The following FAM221A variants were observed in gnomAD, a reference collection of about 807,000 sequenced individuals.
FAM221A encodes the protein family with sequence similarity 221 member A.
Under a neutral mutation model 37.6 loss-of-function variants are expected in FAM221A, and 43 were observed. The ratio of observed to expected loss-of-function variants is 1.15; its 90% CI spans 0.90 to 1.48. The LOEUF (loss-of-function observed/expected upper bound fraction) is 1.48. Ranked by LOEUF, FAM221A falls within the 40% of genes most tolerant of loss-of-function variation. The pLI is 0.00. For synonymous variants in FAM221A, 135 were observed against 132.9 expected, an observed-to-expected ratio of 1.02 and a Z score of -0.11; for missense variants, 361 against 361.5, an observed-to-expected ratio of 1.00 and a Z score of 0.01.
At chr7:23,690,344 A>G (rs1784669975) in intron 3 of FAM221A, among the ~76,000 whole-genome samples, 1 of 151,304 alleles carries the variant, frequency 6.6e-6, no homozygotes, top group Non-Finnish European at 1.5e-5. Context: ...AGCTGAGATT[A>G]TAGGTGCCCG....
chr7:23,682,439 A>ATTTT (rs59949135), intron 1 of FAM221A, among the ~76,000 whole-genome samples: 10 of 79,418 alleles, frequency 1.3e-4, no homozygotes, highest in South Asian at 4.9e-4. Flanking sequence ...TATTATTATT[A>ATTTT]TTTTTTTTTT....
At chr7:23,698,057 G>A (rs1785172647) in intron 4 of FAM221A, 135 bp from the exon 5 acceptor site, 1 of 594,706 alleles carries the variant, frequency 1.7e-6, no homozygotes, top group Admixed American at 3.5e-5. Flanking sequence ...ATTACACCCA[G>A]TCTAAAATTT....
chr7:23,701,104 A>C (rs1785399129), intron 6 of FAM221A, among the ~76,000 whole-genome samples: 1 of 152,232 alleles, frequency 6.6e-6, no homozygotes, highest in African/African-American at 2.4e-5. Flanking sequence ...TACGCAGATA[A>C]AATTGTCAGT....
chr7:23,692,768 C>T (rs189572938), intron 4 of FAM221A: 10 of 971,958 alleles, frequency 1.0e-5, no homozygotes, highest in Non-Finnish European at 2.4e-6. Context: ...GGGTAATTTG[C>T]TATCATCAAT....
rs183857030 is a variant in FAM221A, at chr7:23,683,786, C to A, written c.66-713C>A. Among the ~76,000 whole-genome samples the A allele has an allele frequency of 2.6e-3, 401 of 152,196 alleles. 1 individual carries two copies. Among genetic ancestry groups the A allele is most frequent in the Non-Finnish European group, 4.9e-3 (336 of 68,012 alleles). ...AACCGATAGTTGGGCTGCCTATTCT[C>A]GTGGCCCAGTAATGTGATTCAGATG... On this transcript the variant is annotated intron_variant, in intron 1 of 6. Coordinates refer to ENST00000344962, the MANE Select transcript of FAM221A (RefSeq NM_199136.5).
chr7:23,692,235 C>T (rs1419345801), intron 4 of FAM221A: 1 of 935,086 alleles, frequency 1.1e-6, no homozygotes, highest in East Asian at 1.2e-4. Context: ...AATGTGTTCC[C>T]TGTCTACTTG....
At chr7:23,682,549 T>C (rs1342295114) in intron 1 of FAM221A, among the ~76,000 whole-genome samples, 1 of 151,652 alleles carries the variant, frequency 6.6e-6, no homozygotes, top group African/African-American at 2.4e-5. Flanking sequence ...AGTGCCTCAG[T>C]TTCCAGAGTA....
rs1248018057 is a variant in FAM221A at position 23,684,206 on chromosome 7, AT to A, written c.66-292del. Reference sequence around the variant, plus strand: ...CGGGTCCTTTAAGAATTCCTTCGTTATGTTGTCATGCTTCGAGGCCCAGGAA... The same window carrying A: ...CGGGTCCTTTAAGAATTCCTTCGTTAGTTGTCATGCTTCGAGGCCCAGGAA... On this transcript the variant is annotated intron_variant, in intron 1 of 6. Transcript: ENST00000344962. 2.0e-5 allele frequency among the ~76,000 whole-genome samples: 3 copies of A among 152,004 alleles called. No homozygotes were observed. In the East Asian group the frequency reaches 5.8e-4, roughly 29 times the overall value.
rs1283939718 is a variant in FAM221A, at chr7:23,701,236, C to CTTTTTTTTTTTTT, written c.828+369_828+370insTTTTTTTTTTTTT. ...ATAAAGATTGAATATATTTTGAATT[C>CTTTTTTTTTTTTT]TCTTTTTTTTTTTTTTTTTTTGAGA... On this transcript the variant is annotated intron_variant, in intron 6 of 6. Coordinates refer to ENST00000344962, the MANE Select transcript of FAM221A (RefSeq NM_199136.5). 6.9e-5 allele frequency among the ~76,000 whole-genome samples: 5 copies of CTTTTTTTTTTTTT among 72,762 alleles called. 1 individual carries two copies. The highest frequency in any genetic ancestry group is 1.2e-4 in the Non-Finnish European group (4 of 33,436). The allele number at this position is 72,762 out of a possible 152,430, so 47.7% of individuals were successfully genotyped here.
intron 4 of FAM221A, chr7:23,693,218 A>G (rs545596843): frequency 6.6e-6 from 1 of 152,338 alleles, no homozygotes; most frequent in Non-Finnish European, 1.5e-5. Flanking sequence ...AAATTCTAAT[A>G]CATTCTGCCA....
chr7:23,680,931 G>GGGA (rs1310739170), intron 1 of FAM221A: 7 of 152,226 alleles, frequency 4.6e-5, no homozygotes, highest in African/African-American at 1.7e-4. Context: ...GAGTTGGGGC[G>GGGA]GGAGGATGTG....
chr7:23,700,892 T>A (rs767226864), intron 6 of FAM221A, 24 bp downstream of exon 6: 2 of 1,443,496 alleles, frequency 1.4e-6, no homozygotes, highest in African/African-American at 2.8e-5. Flanking sequence ...GAAATTCAGT[T>A]GCACTAAGCA....
At chr7:23,699,851 C>A (rs1584289691) in intron 5 of FAM221A, among the ~76,000 whole-genome samples, 1 of 152,090 alleles carries the variant, frequency 6.6e-6, no homozygotes, top group East Asian at 1.9e-4. Flanking sequence ...CTGATAGTCA[C>A]CTTTGAAGAG....
Position 23,698,177 on chromosome 7 carries a change from G to A in FAM221A, c.638-15G>A, listed in dbSNP as rs778668408. ...TAAATATTTAATTTTTATTCTCCAT[G>A]TATTGTTTTCTCAGGTGTACCTTCA... On this transcript the variant is annotated splice_polypyrimidine_tract_variant and intron_variant, in intron 4 of 6. Transcript: ENST00000344962. 89 of 1,303,280 alleles carry A rather than the reference G, an allele frequency of 6.8e-5. 1 individual carries two copies. Among genetic ancestry groups the A allele is most frequent in the Middle Eastern group, 1.8e-4 (1 of 5,492 alleles). The allele number at this position is 1,303,280 out of a possible 1,614,324, so 80.7% of individuals were successfully genotyped here. A position where few individuals can be genotyped will look rare whatever the true frequency, so the allele number is the denominator to read the frequency against.
Position 23,698,232 on chromosome 7 carries a change from A to C in FAM221A, c.678A>C (p.Ala226=). The change falls in exon 5 of 7, where the codon GCA becomes GCC. Residue 226 remains alanine, a synonymous_variant. Transcript: ENST00000344962. The part of the protein sequence containing the change: ...SVEFLESPIT[A]VDSPFLKAFQ... ...AATTTTTAGAATCTCCCATTACGGC[A>C]GTAGACAGCCCATTCCTAAAAGCAT... The C allele has an allele frequency of 6.3e-7, 1 of 1,598,758 alleles. No individual in the cohort carries two copies. Among genetic ancestry groups the C allele is most frequent in the Admixed American group, 1.7e-5 (1 of 57,878 alleles).
intron 1 of FAM221A, among the ~76,000 whole-genome samples, chr7:23,682,729 A>C (rs1274922043): frequency 6.6e-6 from 1 of 152,146 alleles, no homozygotes; most frequent in African/African-American, 2.4e-5. Context: ...TGTGAGTCTT[A>C]ATCTGCATTT....
Position 23,702,288 on chromosome 7 carries a change from G to C in FAM221A, c.*124G>C. On this transcript the variant is annotated 3_prime_UTR_variant, in exon 7 of 7. Coordinates refer to ENST00000344962, the MANE Select transcript of FAM221A (RefSeq NM_199136.5). ...TTTTTTACTGTATAAATGTCTTTTG[G>C]GATGTTTCCTTAATTTATTTAAATA... 1 of 519,598 alleles carries C rather than the reference G, an allele frequency of 1.9e-6. No homozygotes were observed. Among genetic ancestry groups the C allele is most frequent in the East Asian group, 3.6e-5 (1 of 27,514 alleles). 32.2% of individuals were successfully genotyped at this position (519,598 alleles called of 1,614,324 possible).
chr7:23,687,433 T>G (rs1784435497), intron 2 of FAM221A: 1 of 152,204 alleles, frequency 6.6e-6, no homozygotes, highest in South Asian at 2.1e-4. Flanking sequence ...GTAATTTACT[T>G]ACTGGTTCTC....
chr7:23,689,192 C>T (rs1446904421), intron 2 of FAM221A, 77 bp from the exon 3 acceptor site: 1 of 966,946 alleles, frequency 1.0e-6, no homozygotes, highest in East Asian at 2.5e-5. Context: ...TCATATCTGC[C>T]TTTAATATAA....
Sources: gnomAD v4.1 joint callset for allele counts (sites outside exome capture counted in the v4.1 genomes callset) on GRCh38, gnomAD v4.1.1 for gene constraint, MANE v1.5 for transcripts, NCBI Gene and HGNC (gene_info 2026-07-23, HGNC 2026-07-21) for gene names.